C12orf56: variants seen among roughly 807,000 people sequenced by gnomAD.
The protein encoded by C12orf56 is uncharacterized protein C12orf56.
Under a neutral mutation model 69.9 loss-of-function variants are expected in C12orf56, and 71 were observed. The observed-to-expected ratio is 1.02, with a 90% CI of 0.84 to 1.24. The LOEUF (loss-of-function observed/expected upper bound fraction) is 1.24. Ranked by LOEUF, C12orf56 falls within the 50% of genes most tolerant of loss-of-function variation. The pLI is 0.00. For synonymous variants in C12orf56, 276 were observed against 274.1 expected (o/e 1.01, Z -0.07); for missense variants, 732 against 738.5 (o/e 0.99, Z 0.10).
chr12:64,312,922 C>T (rs565635451), intron 4 of C12orf56, among the ~76,000 whole-genome samples, 170 bp from the exon 5 acceptor site: 1 of 151,816 alleles, frequency 6.6e-6, no homozygotes, highest in Non-Finnish European at 1.5e-5. Flanking sequence ...TTTTTCTTAT[C>T]CAGTTTTTAA....
At chr12:64,312,834 T>C in intron 4 of C12orf56, 82 bp from the exon 5 acceptor site, 2 of 1,028,834 alleles carry the variant, frequency 1.9e-6, no homozygotes, top group East Asian at 2.6e-5. Flanking sequence ...ATGTTATGTA[T>C]CTATTCTTTA....
chr12:64,275,440 T>C, intron 9 of C12orf56, 68 bp from the exon 10 acceptor site: 2 of 700,014 alleles, frequency 2.9e-6, no homozygotes, highest in Non-Finnish European at 4.5e-6. Context: ...TTCCCATGGT[T>C]CCCTTTAGGT....
At chr12:64,386,462 T>A (rs2135991107) in intron 1 of C12orf56, among the ~76,000 whole-genome samples, 1 of 151,100 alleles carries the variant, frequency 6.6e-6, no homozygotes, top group East Asian at 2.0e-4. Flanking sequence ...AATGGCGCAA[T>A]CTTGGCTCAC....
chr12:64,375,492 C>T (rs1392901255), intron 1 of C12orf56, among the ~76,000 whole-genome samples: 1 of 152,202 alleles, frequency 6.6e-6, no homozygotes, highest in Admixed American at 6.5e-5. Flanking sequence ...ATCAACAATG[C>T]ATTTGACCCA....
At chr12:64,310,253 C>A (rs1222965458) in intron 5 of C12orf56, among the ~76,000 whole-genome samples, 1 of 152,052 alleles carries the variant, frequency 6.6e-6, no homozygotes, top group African/African-American at 2.4e-5. Flanking sequence ...GCGATCCTCC[C>A]ACTTCGGTCT....
chr12:64,348,556 C>T (rs1300002715), intron 2 of C12orf56, among the ~76,000 whole-genome samples: 1 of 152,138 alleles, frequency 6.6e-6, no homozygotes, highest in Non-Finnish European at 1.5e-5. Flanking sequence ...TCAAAATTGT[C>T]TTTCTTGATG....
At chr12:64,275,027 T>C in intron 10 of C12orf56, 52 bp from the exon 11 acceptor site, 1 of 1,420,584 alleles carries the variant, frequency 7.0e-7, no homozygotes, top group Middle Eastern at 1.8e-4. Flanking sequence ...TCAAGTAGTA[T>C]ATAAAAGGAT....
rs376184242 is a variant in C12orf56, at chr12:64,267,240, G to A, written c.1812C>T (p.Tyr604=). 4 of 1,612,586 alleles carry A rather than the reference G, an allele frequency of 2.5e-6. No homozygotes were observed. Among genetic ancestry groups the A allele is most frequent in the Non-Finnish European group, 1.7e-6 (2 of 1,179,436 alleles). ...GTTGAATGGTAGGTTGAGTGATGGG[G>A]TAACACAATGGGAGCCTTTTCTGCA... The part of the protein sequence containing the change: ...PALQKRLPLC[Y]PITQPTIQLF... The change falls in exon 13 of 13, where the codon TAC becomes TAT. Residue 604 remains tyrosine (Y), a synonymous_variant. Coordinates refer to ENST00000543942, the MANE Select transcript of C12orf56 (RefSeq NM_001170633.2).
At chr12:64,378,155 T>G (rs2039665791) in intron 1 of C12orf56, among the ~76,000 whole-genome samples, 1 of 152,206 alleles carries the variant, frequency 6.6e-6, no homozygotes, top group Non-Finnish European at 1.5e-5. Context: ...TAAGTACTGC[T>G]CACAAATATT....
intron 3 of C12orf56, among the ~76,000 whole-genome samples, chr12:64,324,249 C>G (rs2038809572): frequency 1.3e-5 from 2 of 152,174 alleles, no homozygotes; most frequent in African/African-American, 2.4e-5. Flanking sequence ...AGAAATATAT[C>G]AGTGCACAAG....
chr12:64,371,791 T>C (rs969969484), intron 1 of C12orf56, among the ~76,000 whole-genome samples: 10 of 151,200 alleles, frequency 6.6e-5, no homozygotes, highest in Non-Finnish European at 1.2e-4. Context: ...GATCATGCCA[T>C]TGCACTCCAG....
Position 64,352,977 on chromosome 12 carries a change from A to G in C12orf56, c.332T>C (p.Val111Ala). The G allele has an allele frequency of 6.2e-7, 1 of 1,612,648 alleles. No homozygotes were observed. Among genetic ancestry groups the G allele is most frequent in the Non-Finnish European group, 8.5e-7 (1 of 1,179,498 alleles). The stretch of plus-strand genomic sequence containing the variant: ...TGACTTTTTACACTCTTTTTTCAAA[A>G]CGGTTGAAGAATAGATGATACGAAT... ...QHIRIIYSST[V>A]LKKECKKSNS... The change falls in exon 2 of 13, where the codon GTT becomes GCT. Residue 111 changes from valine (V) to alanine (A), a missense_variant. Val to Ala is a moderately conservative substitution (Grantham distance 64, BLOSUM62 0). Coordinates refer to ENST00000543942, the MANE Select transcript of C12orf56 (RefSeq NM_001170633.2).
intron 2 of C12orf56, among the ~76,000 whole-genome samples, chr12:64,351,570 A>G (rs1174313514): frequency 6.6e-6 from 1 of 152,180 alleles, no homozygotes; most frequent in African/African-American, 2.4e-5. Context: ...CAGGGGATAT[A>G]GGGTGTACAT....
intron 2 of C12orf56, among the ~76,000 whole-genome samples, chr12:64,332,608 A>C: frequency 8.3e-6 from 1 of 121,128 alleles, no homozygotes; most frequent in East Asian, 2.2e-4. Flanking sequence ...CAGACGTCTT[A>C]GTTATTTCAA....
chr12:64,311,664 T>C (rs970817729), intron 5 of C12orf56, among the ~76,000 whole-genome samples: 1 of 152,024 alleles, frequency 6.6e-6, no homozygotes, highest in Non-Finnish European at 1.5e-5. Flanking sequence ...AGAAGTTCAT[T>C]TGGAGCAGGA....
chr12:64,308,925 AAAG>A (rs1221244199), intron 5 of C12orf56, among the ~76,000 whole-genome samples: 1 of 54,672 alleles, frequency 1.8e-5, no homozygotes, highest in East Asian at 6.6e-4. Context: ...AGAAAGAAAG[AAAG>A]AAAGAAAGAA....
chr12:64,268,939 T>C (rs4491342), intron 12 of C12orf56, among the ~76,000 whole-genome samples: 106,777 of 151,766 alleles, frequency 0.7, 38,737 homozygotes, highest in Non-Finnish European at 0.8. Context: ...AGTTCAAGAC[T>C]AGCCTGGCCA....
intron 6 of C12orf56, 137 bp from the exon 7 acceptor site, chr12:64,286,197 C>G (rs1288642312): frequency 1.7e-6 from 1 of 598,318 alleles, no homozygotes; most frequent in Non-Finnish European, 2.9e-6. Flanking sequence ...CCCACTGATA[C>G]TAGCATAACC....
intron 8 of C12orf56, 27 bp from the exon 9 acceptor site, chr12:64,277,830 T>C: frequency 6.7e-7 from 1 of 1,499,400 alleles, no homozygotes; most frequent in East Asian, 2.4e-5. Flanking sequence ...AAAAGGCAAT[T>C]AGTGAGCAAA....
Sources: gnomAD v4.1 joint callset for allele counts (sites outside exome capture counted in the v4.1 genomes callset) on GRCh38, gnomAD v4.1.1 for gene constraint, MANE v1.5 for transcripts, NCBI Gene and HGNC (gene_info 2026-07-23, HGNC 2026-07-21) for gene names.